The following TRMT11 variants were observed in gnomAD, a reference collection of about 807,000 sequenced individuals.
The protein encoded by TRMT11 is tRNA (guanine(10)-N(2))-methyltransferase TRMT11.
A neutral mutation model predicts 62.8 loss-of-function variants in TRMT11; 53 were observed. That is an observed-to-expected ratio of 0.84 (90% CI 0.68 to 1.06). The LOEUF is 1.06. Ranked by LOEUF, TRMT11 falls within the 50% of genes least tolerant of loss-of-function variation. The probability of loss-of-function intolerance (pLI) is 0.00; values close to 1 mark genes in which losing one functional copy is unlikely to be tolerated. For missense variants in TRMT11, 556 were observed against 553.4 expected, an observed-to-expected ratio of 1.00 and a Z score of -0.05; for synonymous variants, 188 against 190.3, an observed-to-expected ratio of 0.99 and a Z score of 0.10.
At chr6:126,223,487 C>G in the TRMT11 span, among the ~76,000 whole-genome samples, 1 of 150,788 alleles carries the variant, frequency 6.6e-6, no homozygotes, top group South Asian at 2.1e-4. Flanking sequence ...AATATAGGCC[C>G]CTGATGTCTT....
intron 12 of TRMT11, among the ~76,000 whole-genome samples, chr6:126,029,987 G>A (rs146773627): frequency 1.5e-4 from 23 of 152,096 alleles, no homozygotes; most frequent in South Asian, 6.2e-4. Context: ...ATTTTAATAC[G>A]TATTAAAATA....
At chr6:126,184,290 G>T (rs1210928739) in intron 1 of TRMT11, among the ~76,000 whole-genome samples, 2 of 152,058 alleles carry the variant, frequency 1.3e-5, no homozygotes, top group Non-Finnish European at 2.9e-5. Context: ...GTACTTGAAG[G>T]CAAGGAGGGT....
At chr6:126,167,404 A>G (rs773365936) in intron 21 of TRMT11, among the ~76,000 whole-genome samples, 2 of 152,120 alleles carry the variant, frequency 1.3e-5, no homozygotes, top group African/African-American at 2.4e-5. Context: ...AGGTGAGGTG[A>G]TGCCTCACCC....
rs1794410104 is a variant in TRMT11, at chr6:126,012,786, G to T, written c.941G>T (p.Arg314Ile). The change falls in exon 10 of 13, where the codon AGA (arginine) becomes ATA (isoleucine). Residue 314 changes from arginine to isoleucine, a missense_variant. Coordinates refer to ENST00000334379, the MANE Select transcript of TRMT11 (RefSeq NM_001031712.3). ...AIITDPPYGI[R>I]ESTRRTGSQK... The stretch of plus-strand genomic sequence containing the variant: ...TTCTGTCTAGCTCCATATGGTATCA[G>T]AGAATCTACAAGAAGAACAGGTTCA... 1.2e-6 allele frequency: 2 copies of T among 1,613,494 alleles called. No individual in the cohort carries two copies. The highest frequency in any genetic ancestry group is 1.7e-6 in the Non-Finnish European group (2 of 1,179,616).
At chr6:126,147,211 A>C (rs773637706) in intron 21 of TRMT11, among the ~76,000 whole-genome samples, 20 of 152,306 alleles carry the variant, frequency 1.3e-4, no homozygotes, top group African/African-American at 4.3e-4. Flanking sequence ...ACAAAAGACT[A>C]TAGAGTTTTA....
rs772151656 is a variant in TRMT11, at chr6:125,998,272, T to C, written c.344T>C (p.Phe115Ser). Residue 115 changes from phenylalanine to serine, a missense_variant, in exon 5 of 13, where the codon TTT (phenylalanine) becomes TCT (serine). Coordinates refer to ENST00000334379, the MANE Select transcript of TRMT11 (RefSeq NM_001031712.3). Reference protein sequence around the residue: ...DSTYKIKIHTFNKTLTQEEKI... With the variant: ...DSTYKIKIHTSNKTLTQEEKI... Reference sequence around the variant, plus strand: ...ACATATAAAATAAAGATTCACACTTTTAATAAGACATTGACACAAGAAGAG... The same window carrying C: ...ACATATAAAATAAAGATTCACACTTCTAATAAGACATTGACACAAGAAGAG... 4 of 1,603,288 alleles carry C rather than the reference T, an allele frequency of 2.5e-6. No individual in the cohort carries two copies. The highest frequency in any genetic ancestry group is 3.4e-6 in the Non-Finnish European group (4 of 1,171,076).
intron 17 of TRMT11, among the ~76,000 whole-genome samples, chr6:126,112,573 G>A (rs1777543908): frequency 6.6e-6 from 1 of 152,080 alleles, no homozygotes; most frequent in Non-Finnish European, 1.5e-5. Context: ...AGATAGCCTG[G>A]CCTTGCCATC....
chr6:126,110,460 C>T (rs73773363), intron 17 of TRMT11, among the ~76,000 whole-genome samples: 2,647 of 152,168 alleles, frequency 0.017, 58 homozygotes, highest in African/African-American at 0.058. Context: ...AAAATAATTG[C>T]TTCTAAAAAT....
chr6:126,004,797 G>T (rs1793105879), intron 7 of TRMT11, among the ~76,000 whole-genome samples: 1 of 152,032 alleles, frequency 6.6e-6, no homozygotes, highest in African/African-American at 2.4e-5. Context: ...TTTTCTCAGG[G>T]ATATAGAGTA....
Position 125,998,304 on chromosome 6 carries a change from A to G in TRMT11, c.376A>G (p.Lys126Glu). 1.3e-6 allele frequency: 2 copies of G among 1,592,122 alleles called. No homozygotes were observed. The highest frequency in any genetic ancestry group is 1.7e-6 in the Non-Finnish European group (2 of 1,161,570). ...GACATTGACACAAGAAGAGAAAATCAAGCGAATAGATGTAAGTAAATTTAG... is the reference window on the plus strand; with the variant it reads ...GACATTGACACAAGAAGAGAAAATCGAGCGAATAGATGTAAGTAAATTTAG... ...NKTLTQEEKI[K>E]RIDALEFLPF... Residue 126 changes from lysine (K) to glutamate (E), a missense_variant, in exon 5 of 13, where the codon AAG (lysine) becomes GAG (glutamate). Lys to Glu is a moderately conservative substitution (Grantham distance 56, BLOSUM62 1). Transcript: ENST00000334379.
intron 21 of TRMT11, among the ~76,000 whole-genome samples, chr6:126,162,555 G>A (rs1330582745): frequency 6.6e-6 from 1 of 152,024 alleles, no homozygotes; most frequent in Non-Finnish European, 1.5e-5. Context: ...CCTCTTTTTT[G>A]GTTCCATATA....
chr6:126,168,370 A>G (rs573274904), intron 21 of TRMT11, among the ~76,000 whole-genome samples: 1 of 152,330 alleles, frequency 6.6e-6, no homozygotes, highest in Non-Finnish European at 1.5e-5. Context: ...ATGACATGTC[A>G]TTGGTGAATG....
At chr6:126,094,380 C>G (rs1197735662) in intron 17 of TRMT11, among the ~76,000 whole-genome samples, 1 of 152,166 alleles carries the variant, frequency 6.6e-6, no homozygotes, top group Non-Finnish European at 1.5e-5. Flanking sequence ...GCTACAATGT[C>G]ACATGGCACC....
chr6:126,041,548 A>G (rs1035866943), downstream of TRMT11, among the ~76,000 whole-genome samples: 3 of 152,184 alleles, frequency 2.0e-5, no homozygotes, highest in Admixed American at 6.5e-5. Context: ...GGAATAAAAC[A>G]TAATGTTTCT....
At chr6:126,061,636 A>G (rs1360315308) in intron 17 of TRMT11, among the ~76,000 whole-genome samples, 5 of 148,300 alleles carry the variant, frequency 3.4e-5, no homozygotes, top group African/African-American at 1.3e-4. Flanking sequence ...CCAGGTGCCT[A>G]TTTCTCCTTC....
At chr6:126,093,597 A>G (rs868640084) in intron 17 of TRMT11, among the ~76,000 whole-genome samples, 24 of 71,334 alleles carry the variant, frequency 3.4e-4, no homozygotes, top group Admixed American at 5.7e-4. Flanking sequence ...ATATATATAT[A>G]TATATATATA....
intron 1 of TRMT11, among the ~76,000 whole-genome samples, chr6:126,182,217 T>C (rs1232710047): frequency 1.3e-5 from 2 of 152,186 alleles, no homozygotes; most frequent in African/African-American, 2.4e-5. Context: ...ATATGACTTT[T>C]CAGGGTTGAG....
At chr6:126,155,415 A>G (rs550365252) in intron 21 of TRMT11, among the ~76,000 whole-genome samples, 6 of 152,276 alleles carry the variant, frequency 3.9e-5, no homozygotes, top group African/African-American at 7.2e-5. Context: ...ACAAACATCC[A>G]AACTATATCA....
chr6:126,068,888 G>A (rs1562314204), intron 17 of TRMT11, among the ~76,000 whole-genome samples: 1 of 152,140 alleles, frequency 6.6e-6, no homozygotes, highest in Admixed American at 6.5e-5. Flanking sequence ...AATATGCCCG[G>A]TCTACCAAGT....
Sources: gnomAD v4.1 joint callset for allele counts (sites outside exome capture counted in the v4.1 genomes callset) on GRCh38, gnomAD v4.1.1 for gene constraint, MANE v1.5 for transcripts, NCBI Gene and HGNC (gene_info 2026-07-23, HGNC 2026-07-21) for gene names.